The following ECSIT variants were observed in gnomAD, a reference collection of about 807,000 sequenced individuals.
ECSIT encodes ECSIT signaling integrator, also known as evolutionarily conserved signaling intermediate in Toll pathway, mitochondrial.
A neutral mutation model predicts 36.8 loss-of-function variants in ECSIT; 29 were observed. The observed-to-expected ratio is 0.79, with a 90% CI of 0.59 to 1.08. The LOEUF (loss-of-function observed/expected upper bound fraction) is 1.08, where lower values mean the gene tolerates loss of function less well. ECSIT is among the 50% of genes least tolerant of loss of function. The pLI is 0.00. For missense variants in ECSIT, 542 were observed against 581.0 expected (o/e 0.93, Z 0.69); for synonymous variants, 231 against 234.8 (o/e 0.98, Z 0.15).
At chr19:11,506,604 G>A (rs181470728) in intron 7 of ECSIT, among the ~76,000 whole-genome samples, 176 bp from the exon 8 acceptor site, 1 of 142,756 alleles carries the variant, frequency 7.0e-6, no homozygotes, top group African/African-American at 2.7e-5. Context: ...GCGAGATCTC[G>A]GCTCACTGCA....
chr19:11,526,157 G>A (rs1432263227), intron 1 of ECSIT, among the ~76,000 whole-genome samples: 1 of 152,050 alleles, frequency 6.6e-6, no homozygotes, highest in Admixed American at 6.6e-5. Flanking sequence ...TACAGACAGG[G>A]TTTCACCATC....
Position 11,506,177 on chromosome 19 carries a change from GCTCAGA to G in ECSIT, c.*1_*6del, listed in dbSNP as rs1313893524. On this transcript the variant is annotated 3_prime_UTR_variant, in exon 8 of 8. Coordinates refer to ENST00000270517, the MANE Select transcript of ECSIT (RefSeq NM_016581.5). ...GGCCACAGCCCGTGCCCTCGCGCCG[GCTCAGA>G]CTAGCTCTGGCCCTGCTGCTGTCGC... The G allele has an allele frequency of 1.2e-6, 2 of 1,603,428 alleles. No homozygotes were observed. Among genetic ancestry groups the G allele is most frequent in the Non-Finnish European group, 1.7e-6 (2 of 1,179,708 alleles).
At chr19:11,507,348 T>C in intron 7 of ECSIT, 109 bp downstream of exon 7, 1 of 858,954 alleles carries the variant, frequency 1.2e-6, no homozygotes, top group Non-Finnish European at 2.0e-6. Context: ...TCTATAATAG[T>C]TCACTGCAAC....
At chr19:11,523,207 G>A (rs992291098) in intron 1 of ECSIT, among the ~76,000 whole-genome samples, 3 of 152,144 alleles carry the variant, frequency 2.0e-5, no homozygotes, top group East Asian at 1.9e-4. Context: ...CGATGAGAAT[G>A]AAGACCTTTA....
In ECSIT at chr19:11,506,343, C is replaced by T; in HGVS notation, c.1137G>A (p.Glu379=). ...GGATCTGGGCCAGGGTTGGGTTGGT[C>T]TCCTGCAGGCCCTGGATCCACTTAG... ...TMAKWIQGLQ[E]TNPTLAQIPV... is the part of the protein sequence containing the mutation. The change falls in exon 8 of 8, where the codon GAG becomes GAA. Residue 379 remains glutamate, a synonymous_variant. Transcript: ENST00000270517. 1 of 1,613,594 alleles carries T rather than the reference C, an allele frequency of 6.2e-7. No homozygotes were observed.
intron 2 of ECSIT, among the ~76,000 whole-genome samples, chr19:11,515,465 C>CT (rs1441019800): frequency 6.6e-6 from 1 of 151,102 alleles, no homozygotes; most frequent in Non-Finnish European, 1.5e-5. Flanking sequence ...CTTTCTTTTT[C>CT]TTTTTTTCTT....
intron 4 of ECSIT, among the ~76,000 whole-genome samples, chr19:11,508,348 A>G (rs1457637948): frequency 6.7e-6 from 1 of 149,408 alleles, no homozygotes; most frequent in Non-Finnish European, 1.5e-5. Context: ...GTTTCTCCAG[A>G]TGCACAATAG....
chr19:11,519,051 A>G lies in ECSIT; in HGVS notation c.96+24T>C. 1.3e-6 allele frequency: 2 copies of G among 1,547,308 alleles called. No individual in the cohort carries two copies. The highest frequency in any genetic ancestry group is 1.7e-6 in the Non-Finnish European group (2 of 1,143,114). On this transcript the variant is annotated intron_variant, in intron 2 of 7. Coordinates refer to ENST00000270517, the MANE Select transcript of ECSIT (RefSeq NM_016581.5). The surrounding 1 kb of genome is among the most constrained non-coding windows in gnomAD (Gnocchi z 4.4). ...TCCCAAGCTTACCTCCCTCTACCCA[A>G]AAGACTGCCTGGCTGGTGCTTACCT... is the stretch of plus-strand genomic sequence containing the variant.
At chr19:11,517,465 G>A (rs914018713) in intron 2 of ECSIT, among the ~76,000 whole-genome samples, 1 of 151,638 alleles carries the variant, frequency 6.6e-6, no homozygotes, top group Non-Finnish European at 1.5e-5. Flanking sequence ...GTGTGGTGCC[G>A]CACACCTGTA....
chr19:11,518,619 C>T (rs567666632), intron 2 of ECSIT, among the ~76,000 whole-genome samples: 2 of 151,856 alleles, frequency 1.3e-5, no homozygotes, highest in South Asian at 4.2e-4. Flanking sequence ...GACTTTTGGC[C>T]AGGCGCGGTG....
In ECSIT at chr19:11,507,704, T is replaced by C; in HGVS notation, c.943A>G (p.Arg315Gly). 6.2e-7 allele frequency: 1 copy of C among 1,613,842 alleles called. No individual in the cohort carries two copies. Among genetic ancestry groups the C allele is most frequent in the Non-Finnish European group, 8.5e-7 (1 of 1,179,998 alleles). ...CATGCTTTGCTTTAAGCCCTCACCC[T>C]CTCCTCCGGGGGCAGCAAGTCAGCT... ...LRADLLPPEE[R>G]EVEETPEEWN... Residue 315 changes from arginine (R) to glycine (G), a missense_variant and splice_region_variant, in exon 6 of 8, where the codon AGG (arginine) becomes GGG (glycine). Physicochemically the swap from Arg to Gly is moderately radical, Grantham distance 125. Coordinates refer to ENST00000270517, the MANE Select transcript of ECSIT (RefSeq NM_016581.5).
At chr19:11,512,164 G>A (rs1431710352) in intron 4 of ECSIT, among the ~76,000 whole-genome samples, 2 of 152,026 alleles carry the variant, frequency 1.3e-5, no homozygotes, top group Non-Finnish European at 2.9e-5. Context: ...GGGCAACATG[G>A]TGGAACCCCA....
intron 1 of ECSIT, among the ~76,000 whole-genome samples, chr19:11,526,839 C>T (rs1035831011): frequency 1.3e-5 from 2 of 151,838 alleles, no homozygotes; most frequent in African/African-American, 4.8e-5. Flanking sequence ...CATGCCTCAG[C>T]CTCCCGAGTA....
At position 11,513,823 on chromosome 19, in the gene ECSIT, C is replaced by A; in HGVS notation, c.495G>T (p.Leu165=). The change falls in exon 3 of 8, where the codon CTG becomes CTT. Residue 165 remains leucine, a synonymous_variant. Transcript: ENST00000270517. ...PRQQECGIAV[L]EQMENHGVMP... The stretch of plus-strand genomic sequence containing the variant: ...CCTCACCGTGGTTCTCCATCTGCTC[C>A]AGGACAGCAATCCCACACTCCTGCT... The A allele has an allele frequency of 6.2e-7, 1 of 1,614,064 alleles. No homozygotes were observed. Among genetic ancestry groups the A allele is most frequent in the Non-Finnish European group, 8.5e-7 (1 of 1,180,042 alleles).
At chr19:11,518,616 G>C (rs1038671959) in intron 2 of ECSIT, among the ~76,000 whole-genome samples, 1 of 151,738 alleles carries the variant, frequency 6.6e-6, no homozygotes, top group Non-Finnish European at 1.5e-5. Context: ...ATGGACTTTT[G>C]GCCAGGCGCG....
At chr19:11,511,639 A>C (rs969217410) in intron 4 of ECSIT, among the ~76,000 whole-genome samples, 10 of 152,196 alleles carry the variant, frequency 6.6e-5, no homozygotes, top group Admixed American at 1.3e-4. Flanking sequence ...CATATGTTGC[A>C]ATCTATCTAC....
intron 1 of ECSIT, among the ~76,000 whole-genome samples, chr19:11,527,934 C>T (rs888548269): frequency 1.3e-5 from 2 of 152,064 alleles, no homozygotes; most frequent in African/African-American, 4.8e-5. Flanking sequence ...TTTGAGGCTG[C>T]AGTGAGCTAT....
At chr19:11,522,497 A>AG in intron 1 of ECSIT, 1 of 1,110,960 alleles carries the variant, frequency 9.0e-7, no homozygotes, top group Non-Finnish European at 1.3e-6. Flanking sequence ...ACCTTCTTCT[A>AG]GGGGTAGGGC....
intron 4 of ECSIT, among the ~76,000 whole-genome samples, chr19:11,512,780 AAC>A (rs942277274): frequency 6.6e-6 from 1 of 152,010 alleles, no homozygotes; most frequent in Non-Finnish European, 1.5e-5. Flanking sequence ...GAAAAAAAAA[AAC>A]AGTTTTTTTA....
Sources: gnomAD v4.1 joint callset for allele counts (sites outside exome capture counted in the v4.1 genomes callset) on GRCh38, gnomAD v4.1.1 for gene constraint, Gnocchi (gnomAD v3.1) non-coding constraint, MANE v1.5 for transcripts, NCBI Gene and HGNC (gene_info 2026-07-23, HGNC 2026-07-21) for gene names.